Variants in PTPRG observed in about 807,000 individuals in gnomAD.
The protein encoded by PTPRG is protein tyrosine phosphatase receptor type G.
In PTPRG, 102 loss-of-function variants were observed where a neutral mutation model predicts 165.3. The observed-to-expected ratio is 0.62, with a 90% CI of 0.53 to 0.73. PTPRG has a LOEUF of 0.73. Among genes scored for constraint, PTPRG ranks in the 30% least tolerant of loss-of-function variants. The pLI, the probability that PTPRG is intolerant of heterozygous loss-of-function variation, is 0.00. For missense variants in PTPRG, 1,866 were observed against 1,861.4 expected (o/e 1.00, Z -0.05); for synonymous variants, 675 against 669.5 (o/e 1.01, Z -0.13).
Position 62,209,716 on chromosome 3 carries a change from A to T in PTPRG, c.2155+5766A>T, listed in dbSNP as rs1700312865. Among the ~76,000 whole-genome samples the T allele has an allele frequency of 1.3e-5, 2 of 152,160 alleles. 1 individual carries two copies. The highest frequency in any genetic ancestry group is 4.1e-4 in the South Asian group (2 of 4,832). ...AAGCTCAGGGTAGGCCGAAGGGGTTATTCAGCTGCCAGTATGGTTTAGTTT... is the reference window on the plus strand; with the variant it reads ...AAGCTCAGGGTAGGCCGAAGGGGTTTTTCAGCTGCCAGTATGGTTTAGTTT... On this transcript the variant is annotated intron_variant, in intron 12 of 29. Transcript: ENST00000474889.
At position 62,273,452 on chromosome 3, in the gene PTPRG, G is replaced by A. The variant is rs1576207355; in HGVS notation, c.3319-246G>A. Among the ~76,000 whole-genome samples the A allele has an allele frequency of 6.6e-6, 1 of 152,140 alleles. No individual in the cohort carries two copies. The highest frequency in any genetic ancestry group is 1.5e-5 in the Non-Finnish European group (1 of 68,032). ...TTTGCTTATTGAGTTGAAGCAATAA[G>A]CACAGTATAGAATACCGTGATCCAG... On this transcript the variant is annotated intron_variant, in intron 22 of 29. Transcript: ENST00000474889. This position sits in a 1 kb window ranked among gnomAD's most constrained non-coding sequence, Gnocchi z 4.1.
chr3:62,223,969 T>C (rs1700706576), intron 13 of PTPRG, among the ~76,000 whole-genome samples: 1 of 152,140 alleles, frequency 6.6e-6, no homozygotes, highest in African/African-American at 2.4e-5. Flanking sequence ...ATCCTAGAAA[T>C]AGATAAAACT....
At chr3:61,984,491 G>T (rs2040710564) in intron 2 of PTPRG, among the ~76,000 whole-genome samples, 1 of 152,082 alleles carries the variant, frequency 6.6e-6, no homozygotes, top group Non-Finnish European at 1.5e-5. Flanking sequence ...TCATGCCATA[G>T]ACACGGCCTA....
intron 2 of PTPRG, among the ~76,000 whole-genome samples, chr3:61,923,692 A>ATTTTT (rs71123241): frequency 3.0e-4 from 30 of 100,834 alleles, no homozygotes; most frequent in African/African-American, 5.2e-4. Context: ...TATTTTTTGT[A>ATTTTT]TTTTTTTTTT....
intron 1 of PTPRG, among the ~76,000 whole-genome samples, chr3:61,686,188 T>C (rs1703627687): frequency 6.6e-6 from 1 of 152,222 alleles, no homozygotes; most frequent in African/African-American, 2.4e-5. Context: ...ATTAAGGTTC[T>C]CTAGGACCAC....
At chr3:61,987,537 A>G (rs1476542266) in intron 2 of PTPRG, among the ~76,000 whole-genome samples, 1 of 152,152 alleles carries the variant, frequency 6.6e-6, no homozygotes, top group Non-Finnish European at 1.5e-5. Flanking sequence ...TATTTGAGTC[A>G]TATGTATTTG....
chr3:61,591,368 C>T (rs1700564898), intron 1 of PTPRG, among the ~76,000 whole-genome samples: 1 of 152,076 alleles, frequency 6.6e-6, no homozygotes, highest in Non-Finnish European at 1.5e-5. Flanking sequence ...GTTTTTCTTT[C>T]TTTTTTTGGA....
chr3:62,194,784 CAG>C (rs1355116671), intron 9 of PTPRG, among the ~76,000 whole-genome samples: 1 of 151,380 alleles, frequency 6.6e-6, no homozygotes, highest in East Asian at 1.9e-4. Context: ...GCCTAGGTGA[CAG>C]AGTGAGACTT....
intron 6 of PTPRG, among the ~76,000 whole-genome samples, chr3:62,145,832 A>G (rs1351944036): frequency 6.6e-6 from 1 of 152,258 alleles, no homozygotes; most frequent in African/African-American, 2.4e-5. Context: ...TATCCCAGCC[A>G]TGCAGTGGAA....
intron 1 of PTPRG, among the ~76,000 whole-genome samples, chr3:61,694,483 C>G (rs2030439789): frequency 6.6e-6 from 1 of 152,192 alleles, no homozygotes; most frequent in Admixed American, 6.5e-5. Flanking sequence ...GAACATGCAT[C>G]TGGTTGAGAA....
intron 2 of PTPRG, among the ~76,000 whole-genome samples, chr3:61,811,129 C>T (rs905776352): frequency 2.0e-5 from 3 of 151,964 alleles, no homozygotes; most frequent in African/African-American, 7.3e-5. Flanking sequence ...GTGGACATCT[C>T]ACTTCTGGCT....
chr3:61,973,228 A>T (rs961471481), intron 2 of PTPRG, among the ~76,000 whole-genome samples: 1 of 152,214 alleles, frequency 6.6e-6, no homozygotes, highest in African/African-American at 2.4e-5. Context: ...TTTTACCTGC[A>T]AGGAAAGGAA....
intron 1 of PTPRG, among the ~76,000 whole-genome samples, chr3:61,648,965 T>C (rs1328915963): frequency 6.6e-6 from 1 of 152,190 alleles, no homozygotes; most frequent in Non-Finnish European, 1.5e-5. Flanking sequence ...AAGAAGCAAA[T>C]AGACGTTTCA....
chr3:62,234,840 G>T (rs1700987921), intron 14 of PTPRG, among the ~76,000 whole-genome samples: 1 of 151,162 alleles, frequency 6.6e-6, no homozygotes, highest in East Asian at 1.9e-4. Context: ...CCATTCTGAG[G>T]TTACTCTTTT....
chr3:62,196,278 A>G (rs906667270), intron 10 of PTPRG, among the ~76,000 whole-genome samples: 6 of 151,752 alleles, frequency 4.0e-5, no homozygotes, highest in African/African-American at 1.2e-4. Flanking sequence ...CTGTAATCCC[A>G]GCTACTCCCA....
At position 62,295,077 on chromosome 3, in the gene PTPRG, T is replaced by TA. The variant is rs1462378167; in HGVS notation, c.*1771dup. On this transcript the variant is annotated 3_prime_UTR_variant, in exon 30 of 30. Coordinates refer to ENST00000474889, the MANE Select transcript of PTPRG (RefSeq NM_002841.4). ...GGGTTTATCTCATCTTCTCAATACATAGATTTAACAACATGGAATACTCTG... is the reference window on the plus strand; with the variant it reads ...GGGTTTATCTCATCTTCTCAATACATAAGATTTAACAACATGGAATACTCTG... 2 of 152,116 alleles carry TA rather than the reference T, an allele frequency of 1.3e-5. No individual in the cohort carries two copies. The highest frequency in any genetic ancestry group is 2.9e-5 in the Non-Finnish European group (2 of 68,002). 9.4% of individuals were successfully genotyped at this position (152,116 alleles called of 1,614,324 possible). A position where few individuals can be genotyped will look rare whatever the true frequency, so the allele number is the denominator to read the frequency against.
At chr3:62,192,141 C>A (rs1442737858) in intron 9 of PTPRG, among the ~76,000 whole-genome samples, 1 of 152,128 alleles carries the variant, frequency 6.6e-6, no homozygotes, top group Non-Finnish European at 1.5e-5. Flanking sequence ...CTGCCACTTC[C>A]CTTTGTCACA....
At chr3:61,972,016 T>C (rs1426112299) in intron 2 of PTPRG, among the ~76,000 whole-genome samples, 2 of 152,204 alleles carry the variant, frequency 1.3e-5, no homozygotes, top group African/African-American at 4.8e-5. Flanking sequence ...GAGTGAACAA[T>C]AGACAATATA....
intron 8 of PTPRG, among the ~76,000 whole-genome samples, chr3:62,191,148 G>C (rs1413569643): frequency 3.3e-5 from 5 of 151,192 alleles, no homozygotes; most frequent in Non-Finnish European, 3.0e-5. Context: ...TGTGTCCCGT[G>C]CACGTGTGTG....
Sources: allele counts gnomAD v4.1 joint callset (sites outside exome capture counted in the v4.1 genomes callset), GRCh38; gene constraint gnomAD v4.1.1; non-coding constraint Gnocchi (gnomAD v3.1); transcripts MANE v1.5; gene names NCBI Gene and HGNC (gene_info 2026-07-23, HGNC 2026-07-21).